The following ISM1 variants were observed in gnomAD, a reference collection of about 807,000 sequenced individuals.
ISM1 encodes isthmin-1.
Under a neutral mutation model 46.3 loss-of-function variants are expected in ISM1, and 25 were observed. That is an observed-to-expected ratio of 0.54 (90% CI 0.39 to 0.75). ISM1 has a LOEUF of 0.75. ISM1 is among the 30% of genes least tolerant of loss of function. ISM1 has a pLI of 0.00. For missense variants in ISM1, 536 were observed against 625.4 expected (o/e 0.86, Z 1.52); for synonymous variants, 255 against 256.7 (o/e 0.99, Z 0.06).
chr20:13,259,054 G>A (rs1202210372), intron 1 of ISM1, among the ~76,000 whole-genome samples: 7 of 152,198 alleles, frequency 4.6e-5, no homozygotes, highest in Admixed American at 2.0e-4. Flanking sequence ...AGGCCGAGGC[G>A]GGTGGATCAC....
chr20:13,239,592 A>G (rs1006348774), intron 1 of ISM1: 2 of 152,202 alleles, frequency 1.3e-5, no homozygotes, highest in Non-Finnish European at 2.9e-5. Flanking sequence ...GTACTCACAT[A>G]CACAAGGGTC....
At chr20:13,277,417 C>CTACAGGCAGAGGG (rs56180331) in intron 2 of ISM1, among the ~76,000 whole-genome samples, 59,506 of 151,796 alleles carry the variant, frequency 0.39, 11,812 homozygotes, top group African/African-American at 0.42. Context: ...TCAGTTCCCT[C>CTACAGGCAGAGGG]AGATGGGGCT....
rs922812216 is a variant in ISM1, at chr20:13,299,696, G to A, written c.*237G>A. The stretch of plus-strand genomic sequence containing the variant: ...AAAGTGCCCCTGGGGAGCGATGTGG[G>A]CAGAAGGATGGGGACAACTTGGAAG... On this transcript the variant is annotated 3_prime_UTR_variant, in exon 6 of 6. Transcript: ENST00000262487. This position sits in a 1 kb window ranked among gnomAD's most constrained non-coding sequence, Gnocchi z 5.8. 1.2e-4 allele frequency: 54 copies of A among 435,622 alleles called. No individual in the cohort carries two copies. The highest frequency in any genetic ancestry group is 8.1e-4 in the African/African-American group (42 of 51,970). The allele number at this position is 435,622 out of a possible 1,614,324, so 27.0% of individuals were successfully genotyped here. A position where few individuals can be genotyped will look rare whatever the true frequency, so the allele number is the denominator to read the frequency against.
chr20:13,263,202 T>C (rs757640882), intron 1 of ISM1, among the ~76,000 whole-genome samples: 14 of 152,212 alleles, frequency 9.2e-5, no homozygotes, highest in Non-Finnish European at 1.5e-4. Flanking sequence ...AGGGGAATGA[T>C]TGCCATCATA....
intron 1 of ISM1, among the ~76,000 whole-genome samples, chr20:13,224,322 A>G (rs904324713): frequency 7.2e-5 from 11 of 152,238 alleles, no homozygotes; most frequent in Non-Finnish European, 1.3e-4. Flanking sequence ...TGAAGGTATT[A>G]TAAGTCAAAA....
rs2039446431 is a variant in ISM1, at chr20:13,221,523, C to A, written c.-254C>A. Among the ~76,000 whole-genome samples the A allele has an allele frequency of 6.9e-6, 1 of 144,086 alleles. No homozygotes were observed. Among genetic ancestry groups the A allele is most frequent in the African/African-American group, 2.5e-5 (1 of 40,110 alleles). 94.5% of individuals were successfully genotyped at this position (144,086 alleles called of 152,430 possible). A position where few individuals can be genotyped will look rare whatever the true frequency, so the allele number is the denominator to read the frequency against. On this transcript the variant is annotated 5_prime_UTR_variant, in exon 1 of 6. Transcript: ENST00000262487. The stretch of plus-strand genomic sequence containing the variant: ...GCTTGCTCCGCAGCCGGCTTGGACA[C>A]CCCCGGCCTCGCGGTGGCTCCGCCG...
chr20:13,299,457 TAA>T lies in ISM1; in HGVS notation c.1395_*1del. 1.9e-6 allele frequency: 3 copies of T among 1,593,026 alleles called. No individual in the cohort carries two copies. The highest frequency in any genetic ancestry group is 2.6e-6 in the Non-Finnish European group (3 of 1,171,268). On this transcript the variant is annotated frameshift_variant and stop_lost, in exon 6 of 6. Transcript: ENST00000262487. LOFTEE classifies it high-confidence loss of function. This position sits in a 1 kb window ranked among gnomAD's most constrained non-coding sequence, Gnocchi z 5.8. ...GCAGTTCCAAGAGGCCAGGGAATAT[TAA>T]AGAGACTGGGATGAGGTGGAGGACG... ...IKQFQEAREY* is the reference protein window; with the variant it reads ...IKQFQEAREYX
At chr20:13,275,472 G>A (rs2040168120) in intron 2 of ISM1, among the ~76,000 whole-genome samples, 1 of 152,190 alleles carries the variant, frequency 6.6e-6, no homozygotes, top group Admixed American at 6.5e-5. Context: ...AGATTCTCAT[G>A]GGGTACTGCT....
At chr20:13,244,557 A>G (rs985622238) in intron 1 of ISM1, among the ~76,000 whole-genome samples, 3 of 152,248 alleles carry the variant, frequency 2.0e-5, no homozygotes, top group African/African-American at 7.2e-5. Flanking sequence ...CACATTGCAT[A>G]TAAAAACATA....
At chr20:13,311,254 TA>T in the ISM1 span, among the ~76,000 whole-genome samples, 2,845 of 135,422 alleles carry the variant, frequency 0.021, 81 homozygotes, top group African/African-American at 0.072. Flanking sequence ...GATAGATAGA[TA>T]GATAGATAGA....
At chr20:13,315,681 A>G in the ISM1 span, among the ~76,000 whole-genome samples, 1 of 152,042 alleles carries the variant, frequency 6.6e-6, no homozygotes, top group Admixed American at 6.5e-5. Context: ...ACTTCATCCA[A>G]CAACAGCAGA....
At position 13,261,559 on chromosome 20, in the gene ISM1, T is replaced by C. The variant is rs537083269; in HGVS notation, c.139-8945T>C. 1.4e-3 allele frequency among the ~76,000 whole-genome samples: 214 copies of C among 152,250 alleles called. 1 individual carries two copies. Among genetic ancestry groups the C allele is most frequent in the African/African-American group, 4.9e-3 (205 of 41,536 alleles). On this transcript the variant is annotated intron_variant, in intron 1 of 5. Transcript: ENST00000262487. The stretch of plus-strand genomic sequence containing the variant: ...CCATAAGTGCAGAGGTGCAATAACT[T>C]ACCAAAGCTCACAAAACAGGAAGAG...
At chr20:13,317,061 A>G in the ISM1 span, among the ~76,000 whole-genome samples, 1 of 152,060 alleles carries the variant, frequency 6.6e-6, no homozygotes, top group African/African-American at 2.4e-5. Context: ...TCAACAAAAA[A>G]TCTGGAATTA....
chr20:13,312,399 C>G, the ISM1 span, among the ~76,000 whole-genome samples: 1 of 152,194 alleles, frequency 6.6e-6, no homozygotes, highest in African/African-American at 2.4e-5. Flanking sequence ...TGAAGCCACT[C>G]CTACCAGCCT....
In ISM1 at chr20:13,299,201, G is replaced by C; in HGVS notation, c.1137G>C (p.Thr379=). ...CCATGCTGTCCCTGGAGAGCACCAC[G>C]CTGGCGGCACAGCACTGCTGCTACG... The part of the protein sequence containing the change: ...IRSMLSLEST[T]LAAQHCCYGD... The change falls in exon 6 of 6, where the codon ACG becomes ACC. Residue 379 remains threonine, a synonymous_variant. Transcript: ENST00000262487. The surrounding 1 kb of genome is among the most constrained non-coding windows in gnomAD (Gnocchi z 5.8). 6.2e-7 allele frequency: 1 copy of C among 1,603,200 alleles called. No homozygotes were observed. Among genetic ancestry groups the C allele is most frequent in the South Asian group, 1.1e-5 (1 of 89,566 alleles).
intron 1 of ISM1, among the ~76,000 whole-genome samples, chr20:13,233,368 G>A (rs1212107690): frequency 6.6e-6 from 1 of 152,190 alleles, no homozygotes; most frequent in East Asian, 1.9e-4. Context: ...GGCCAAGGCG[G>A]GTGGATCACC....
At chr20:13,266,477 T>C (rs1258689221) in intron 1 of ISM1, among the ~76,000 whole-genome samples, 1 of 152,152 alleles carries the variant, frequency 6.6e-6, no homozygotes, top group East Asian at 1.9e-4. Context: ...GTCACAGCTC[T>C]GAAATTATAG....
chr20:13,248,077 A>G (rs1307916016), intron 1 of ISM1, among the ~76,000 whole-genome samples: 1 of 152,238 alleles, frequency 6.6e-6, no homozygotes, highest in Non-Finnish European at 1.5e-5. Context: ...GGGTGATGGC[A>G]GCGTCCAAAA....
chr20:13,253,707 CT>C (rs1009582295), intron 1 of ISM1, among the ~76,000 whole-genome samples: 5 of 152,040 alleles, frequency 3.3e-5, no homozygotes, highest in African/African-American at 1.2e-4. Flanking sequence ...CACTGCTGGC[CT>C]GGGGCCCCCA....
Sources: gnomAD v4.1 joint callset for allele counts (sites outside exome capture counted in the v4.1 genomes callset) on GRCh38, gnomAD v4.1.1 for gene constraint, Gnocchi (gnomAD v3.1) non-coding constraint, MANE v1.5 for transcripts, NCBI Gene and HGNC (gene_info 2026-07-23, HGNC 2026-07-21) for gene names.